Variants in DPY19L3 observed in about 807,000 individuals in gnomAD.
DPY19L3 encodes protein C-mannosyl-transferase DPY19L3.
In DPY19L3, 51 loss-of-function variants were observed where a neutral mutation model predicts 92.3. That is an observed-to-expected ratio of 0.55 (90% CI 0.44 to 0.70). The LOEUF (loss-of-function observed/expected upper bound fraction) is 0.70. Ranked by LOEUF, DPY19L3 falls within the 30% of genes least tolerant of loss-of-function variation. DPY19L3 has a pLI of 0.00. For missense variants in DPY19L3, 706 were observed against 855.9 expected, an observed-to-expected ratio of 0.82 and a Z score of 2.18; for synonymous variants, 309 against 315.2, an observed-to-expected ratio of 0.98 and a Z score of 0.21.
Position 32,483,209 on chromosome 19 carries a change from GCAGACAGCATTTT to G in DPY19L3, c.*985_*997del, listed in dbSNP as rs879502309. 7.9e-5 allele frequency: 12 copies of G among 152,102 alleles called. No homozygotes were observed. The highest frequency in any genetic ancestry group is 1.3e-4 in the Non-Finnish European group (9 of 68,006). The allele number at this position is 152,102 out of a possible 1,614,324, so 9.4% of individuals were successfully genotyped here. A position where few individuals can be genotyped will look rare whatever the true frequency, so the allele number is the denominator to read the frequency against. On this transcript the variant is annotated 3_prime_UTR_variant, in exon 19 of 19. Transcript: ENST00000392250. ...CTAGTTCACTAATACAGTATTTTTA[GCAGACAGCATTTT>G]CAGACAGCATTTTCATACCAAGTTT...
intron 10 of DPY19L3, 49 bp downstream of exon 10, chr19:32,455,089 G>C: frequency 8.5e-7 from 1 of 1,177,980 alleles, no homozygotes; most frequent in Non-Finnish European, 1.2e-6. Flanking sequence ...TTAACTTATG[G>C]CATTGGAGAT....
chr19:32,407,831 T>A (rs543358064), intron 1 of DPY19L3, among the ~76,000 whole-genome samples: 1 of 152,304 alleles, frequency 6.6e-6, no homozygotes, highest in African/African-American at 2.4e-5. Context: ...AATGGCTCAT[T>A]CATGTAATCC....
intron 3 of DPY19L3, among the ~76,000 whole-genome samples, chr19:32,429,281 C>G (rs1176149694): frequency 1.3e-5 from 2 of 152,204 alleles, no homozygotes; most frequent in African/African-American, 4.8e-5. Flanking sequence ...AGTATTTGTT[C>G]GTTTTGCATT....
intron 1 of DPY19L3, 62 bp from the exon 2 acceptor site, chr19:32,408,155 A>G (rs1968045592): frequency 2.5e-6 from 2 of 811,158 alleles, no homozygotes; most frequent in Admixed American, 2.3e-5. Flanking sequence ...TTCAGCATGG[A>G]TGAGCACGGG....
At chr19:32,466,804 A>G (rs181101263) in intron 15 of DPY19L3, among the ~76,000 whole-genome samples, 3 of 152,386 alleles carry the variant, frequency 2.0e-5, no homozygotes, top group South Asian at 2.1e-4. Flanking sequence ...CTTTCACTGT[A>G]TAAAATAGTT....
At chr19:32,429,939 G>A (rs1396650568) in intron 3 of DPY19L3, among the ~76,000 whole-genome samples, 1 of 152,126 alleles carries the variant, frequency 6.6e-6, no homozygotes, top group Non-Finnish European at 1.5e-5. Flanking sequence ...AATAGAGCAC[G>A]TTTTCTCAAA....
At chr19:32,412,648 G>A (rs550598734) in intron 3 of DPY19L3, 9 of 152,202 alleles carry the variant, frequency 5.9e-5, no homozygotes, top group Non-Finnish European at 1.2e-4. Flanking sequence ...AGATTTTCAG[G>A]AGGGTTAGCC....
At position 32,472,672 on chromosome 19, in the gene DPY19L3, C is replaced by T. The variant is rs570318957; in HGVS notation, c.1697+3859C>T. Among the ~76,000 whole-genome samples, 103 of 152,180 alleles carry T rather than the reference C, an allele frequency of 6.8e-4. 1 individual carries two copies. In the South Asian group the frequency reaches 0.014, roughly 21 times the overall value. On this transcript the variant is annotated intron_variant, in intron 16 of 18. Transcript: ENST00000392250. Reference sequence around the variant, plus strand: ...ACAATCTGTGGTTTCTACCTTGTTCCTTTGTGTCCTTGAATGTTTCATTTT... The same window carrying T: ...ACAATCTGTGGTTTCTACCTTGTTCTTTTGTGTCCTTGAATGTTTCATTTT...
chr19:32,467,869 A>C, intron 15 of DPY19L3: 1 of 984,846 alleles, frequency 1.0e-6, no homozygotes, highest in Non-Finnish European at 1.2e-6. Context: ...TGGGTAATTC[A>C]GAGAGTAATT....
chr19:32,422,629 A>AACACACACACACACACACACACAC (rs66481682), intron 3 of DPY19L3, among the ~76,000 whole-genome samples: 2 of 146,722 alleles, frequency 1.4e-5, no homozygotes, highest in Admixed American at 6.8e-5. Flanking sequence ...AATCAGGAAA[A>AACACACACACACACACACACACAC]ACACACACAC....
intron 16 of DPY19L3, 127 bp downstream of exon 16, chr19:32,468,940 A>G: frequency 1.2e-6 from 1 of 864,694 alleles, no homozygotes; most frequent in Non-Finnish European, 1.6e-6. Flanking sequence ...CGTCCTTACT[A>G]GATTTTTCTT....
chr19:32,458,373 C>A lies in DPY19L3; in HGVS notation c.1186C>A (p.Leu396Met). The A allele has an allele frequency of 6.2e-7, 1 of 1,612,452 alleles. No homozygotes were observed. ...ATRDFDANLY[L>M]CEEAFGLLPF... is the part of the protein sequence containing the mutation. ...TAGGGATTTTGATGCAAATCTCTAT[C>A]TGTGTGAAGAAGCTTTTGGCCTCCT... Residue 396 changes from leucine to methionine, a missense_variant, in exon 12 of 19, where the codon CTG (leucine) becomes ATG (methionine). Transcript: ENST00000392250.
intron 12 of DPY19L3, among the ~76,000 whole-genome samples, chr19:32,460,018 C>T (rs569170154): frequency 2.0e-5 from 3 of 152,224 alleles, no homozygotes; most frequent in East Asian, 3.9e-4. Flanking sequence ...AGGCTGCAAA[C>T]CTGGACAGCA....
At chr19:32,407,272 A>ACCCCCC (rs923773742) in intron 1 of DPY19L3, among the ~76,000 whole-genome samples, 1 of 93,510 alleles carries the variant, frequency 1.1e-5, no homozygotes, top group East Asian at 2.9e-4. Context: ...GCTCCCCCCC[A>ACCCCCC]CCCATTACTC....
chr19:32,431,817 C>T (rs75569149), intron 3 of DPY19L3, among the ~76,000 whole-genome samples: 1 of 152,174 alleles, frequency 6.6e-6, no homozygotes, highest in Non-Finnish European at 1.5e-5. Flanking sequence ...TTGTTCCTGA[C>T]TCTGAATTTA....
intron 3 of DPY19L3, among the ~76,000 whole-genome samples, chr19:32,413,485 ACATGTGCAC>A (rs1968265786): frequency 6.6e-6 from 1 of 151,344 alleles, no homozygotes; most frequent in Non-Finnish European, 1.5e-5. Context: ...GTTTTAGGGT[ACATGTGCAC>A]AATGTGCAGG....
chr19:32,468,902 T>A, intron 16 of DPY19L3, 89 bp downstream of exon 16: 9 of 1,284,632 alleles, frequency 7.0e-6, no homozygotes, highest in Non-Finnish European at 9.6e-6. Context: ...TTTTTGTTTG[T>A]TTCTGAATCT....
rs987828567 is a variant in DPY19L3 at position 32,431,774 on chromosome 19, C to T, written c.238-942C>T. Among the ~76,000 whole-genome samples the T allele has an allele frequency of 2.6e-4, 39 of 152,286 alleles. 1 individual carries two copies. The highest frequency in any genetic ancestry group is 9.4e-4 in the African/African-American group (39 of 41,558). On this transcript the variant is annotated intron_variant, in intron 3 of 18. Coordinates refer to ENST00000392250, the MANE Select transcript of DPY19L3 (RefSeq NM_001172774.2). The stretch of plus-strand genomic sequence containing the variant: ...AAAGGTGTCACTATCTCAACCATCC[C>T]AGTGGACAGTCTATGGTTATTTGGC...
intron 2 of DPY19L3, among the ~76,000 whole-genome samples, chr19:32,409,340 TTA>T: frequency 6.6e-6 from 1 of 152,356 alleles, no homozygotes; most frequent in Non-Finnish European, 1.5e-5. Flanking sequence ...TTTTCTCTTA[TTA>T]TGTTATGAAC....
Sources: allele counts gnomAD v4.1 joint callset (sites outside exome capture counted in the v4.1 genomes callset), GRCh38; gene constraint gnomAD v4.1.1; transcripts MANE v1.5; gene names NCBI Gene and HGNC (gene_info 2026-07-23, HGNC 2026-07-21).